Variants in CTNNA3 observed in about 807,000 individuals in gnomAD.
CTNNA3 encodes the protein catenin alpha-3.
Under a neutral mutation model 95.7 loss-of-function variants are expected in CTNNA3, and 76 were observed. That is an observed-to-expected ratio of 0.79 (90% CI 0.66 to 0.96). The LOEUF is 0.96. Ranked by LOEUF, CTNNA3 falls within the 40% of genes least tolerant of loss-of-function variation. The pLI, the probability that CTNNA3 is intolerant of heterozygous loss-of-function variation, is 0.00. For synonymous variants in CTNNA3, 431 were observed against 374.4 expected, an observed-to-expected ratio of 1.15 and a Z score of -1.74; for missense variants, 1,191 against 1,089.8, an observed-to-expected ratio of 1.09 and a Z score of -1.31.
chr10:66,734,556 G>C (rs887143745), intron 9 of CTNNA3, among the ~76,000 whole-genome samples: 3 of 152,070 alleles, frequency 2.0e-5, no homozygotes, highest in Admixed American at 2.0e-4. Context: ...ATGTAAAAAA[G>C]TGCATTACAT....
chr10:66,149,623 C>A (rs2084084490), intron 13 of CTNNA3, among the ~76,000 whole-genome samples: 2 of 151,860 alleles, frequency 1.3e-5, no homozygotes, highest in African/African-American at 4.8e-5. Flanking sequence ...TTCTTGATCA[C>A]AAATGATATT....
intron 1 of CTNNA3, among the ~76,000 whole-genome samples, chr10:67,690,125 G>A (rs764691700): frequency 7.2e-5 from 11 of 152,076 alleles, no homozygotes; most frequent in South Asian, 2.1e-4. Flanking sequence ...ACTCCCTTCC[G>A]GTGGGTTCGT....
intron 7 of CTNNA3, among the ~76,000 whole-genome samples, chr10:66,946,810 T>G (rs1427557710): frequency 6.6e-6 from 1 of 152,124 alleles, no homozygotes; most frequent in Non-Finnish European, 1.5e-5. Flanking sequence ...CTTATTCAAA[T>G]GATGGATCTA....
chr10:66,582,325 G>T (rs1049978673), intron 10 of CTNNA3, among the ~76,000 whole-genome samples: 1 of 151,620 alleles, frequency 6.6e-6, no homozygotes, highest in African/African-American at 2.4e-5. Context: ...TCTTTCAGCC[G>T]TGTTTTATTT....
At chr10:66,962,583 T>C (rs1256857769) in intron 7 of CTNNA3, among the ~76,000 whole-genome samples, 1 of 151,952 alleles carries the variant, frequency 6.6e-6, no homozygotes, top group African/African-American at 2.4e-5. Context: ...ATAATTTTTT[T>C]TCTATTTTTA....
At chr10:66,245,410 A>G (rs1436579900) in intron 13 of CTNNA3, among the ~76,000 whole-genome samples, 4 of 152,168 alleles carry the variant, frequency 2.6e-5, no homozygotes, top group Non-Finnish European at 5.9e-5. Context: ...AACATGGCAA[A>G]CAAGGGACAT....
At chr10:66,532,549 G>T (rs1214806654) in intron 10 of CTNNA3, among the ~76,000 whole-genome samples, 1 of 151,670 alleles carries the variant, frequency 6.6e-6, no homozygotes, top group East Asian at 1.9e-4. Flanking sequence ...ATTCAGCTTT[G>T]GTTTTAGCAC....
At chr10:67,289,749 A>AGGAC (rs1554818570) in intron 5 of CTNNA3, among the ~76,000 whole-genome samples, 1 of 135,632 alleles carries the variant, frequency 7.4e-6, no homozygotes, top group Non-Finnish European at 1.6e-5. Flanking sequence ...CAACAAAGGA[A>AGGAC]GGATGGATGA....
chr10:67,626,550 A>G (rs971640723), intron 2 of CTNNA3, among the ~76,000 whole-genome samples: 1 of 152,214 alleles, frequency 6.6e-6, no homozygotes, highest in Non-Finnish European at 1.5e-5. Context: ...TCTGATACAC[A>G]TGAAGGGATC....
chr10:67,204,314 G>C (rs1414551883), intron 6 of CTNNA3, among the ~76,000 whole-genome samples: 1 of 151,966 alleles, frequency 6.6e-6, no homozygotes, highest in African/African-American at 2.4e-5. Flanking sequence ...TCTCCCCTTG[G>C]TACTGTAGAG....
intron 11 of CTNNA3, among the ~76,000 whole-genome samples, chr10:66,405,918 G>A (rs1320018688): frequency 6.6e-6 from 1 of 152,064 alleles, no homozygotes; most frequent in Non-Finnish European, 1.5e-5. Flanking sequence ...TGACTACCAG[G>A]GTGGAAATAG....
At chr10:66,080,562 TCAA>T (rs1451077603) in intron 14 of CTNNA3, among the ~76,000 whole-genome samples, 4 of 152,136 alleles carry the variant, frequency 2.6e-5, no homozygotes, top group Non-Finnish European at 5.9e-5. Context: ...CACATTTACA[TCAA>T]CAACCAAAGC....
At chr10:66,902,478 A>C (rs1257898735) in intron 7 of CTNNA3, among the ~76,000 whole-genome samples, 1 of 152,188 alleles carries the variant, frequency 6.6e-6, no homozygotes, top group African/African-American at 2.4e-5. Context: ...GAACCAGAGA[A>C]GCAAGAGCAA....
At chr10:66,403,610 T>C (rs1381877407) in intron 11 of CTNNA3, among the ~76,000 whole-genome samples, 2 of 152,098 alleles carry the variant, frequency 1.3e-5, no homozygotes, top group African/African-American at 2.4e-5. Flanking sequence ...GGGATTACAA[T>C]TCAAGACGTA....
intron 14 of CTNNA3, among the ~76,000 whole-genome samples, chr10:66,094,089 CT>C: frequency 6.6e-6 from 1 of 152,176 alleles, no homozygotes; most frequent in East Asian, 1.9e-4. Context: ...TGGAGGGAAA[CT>C]ATCTCAGACT....
chr10:67,080,231 G>C (rs1176931902), intron 7 of CTNNA3, among the ~76,000 whole-genome samples: 2 of 152,146 alleles, frequency 1.3e-5, no homozygotes, highest in Non-Finnish European at 2.9e-5. Flanking sequence ...TTTTCTGCTG[G>C]ATTGGGTTTT....
intron 7 of CTNNA3, chr10:66,926,965 G>C (rs764024024): frequency 6.2e-7 from 1 of 1,613,918 alleles, no homozygotes; most frequent in Non-Finnish European, 8.5e-7. Context: ...TGTAGCACTG[G>C]TTATAGCCCC....
At chr10:67,669,540 G>A (rs1215929794) in intron 1 of CTNNA3, among the ~76,000 whole-genome samples, 2 of 152,074 alleles carry the variant, frequency 1.3e-5, no homozygotes, top group Non-Finnish European at 2.9e-5. Flanking sequence ...ACCCTCTTTG[G>A]CCTCATCCAC....
At chr10:66,220,303 ATATCTCTAACATATTGAAGTG>A (rs1399986896) in intron 13 of CTNNA3, among the ~76,000 whole-genome samples, 1 of 152,156 alleles carries the variant, frequency 6.6e-6, no homozygotes, top group Non-Finnish European at 1.5e-5. Flanking sequence ...TTTGTAGAAC[ATATCTCTAACATATTGAAGTG>A]TATCCTTTTG....
Sources: gnomAD v4.1 joint callset for allele counts (sites outside exome capture counted in the v4.1 genomes callset) on GRCh38, gnomAD v4.1.1 for gene constraint, MANE v1.5 for transcripts, NCBI Gene and HGNC (gene_info 2026-07-23, HGNC 2026-07-21) for gene names.